The following PRKCG variants were observed in gnomAD, a reference collection of about 807,000 sequenced individuals.
The protein encoded by PRKCG is protein kinase C gamma type.
Under a neutral mutation model 82.0 loss-of-function variants are expected in PRKCG, and 28 were observed. The ratio of observed to expected loss-of-function variants is 0.34; its 90% CI spans 0.25 to 0.47. The LOEUF is 0.47. PRKCG is among the 20% of genes least tolerant of loss of function. PRKCG has a pLI of 1.00. For synonymous variants in PRKCG, 383 were observed against 376.6 expected, an observed-to-expected ratio of 1.02 and a Z score of -0.20; for missense variants, 640 against 952.7, an observed-to-expected ratio of 0.67 and a Z score of 4.32.
chr19:53,894,012 C>T (rs1178723808), intron 9 of PRKCG, among the ~76,000 whole-genome samples: 3 of 152,048 alleles, frequency 2.0e-5, no homozygotes, highest in Non-Finnish European at 4.4e-5. Flanking sequence ...CTGCCTTGGC[C>T]TCCCAAAGTG....
At chr19:53,906,243 T>A in intron 16 of PRKCG, 74 bp from the exon 17 acceptor site, 10 of 1,539,472 alleles carry the variant, frequency 6.5e-6, no homozygotes, top group Non-Finnish European at 8.8e-6. Flanking sequence ...CCTGTCTCTG[T>A]CCCTCTTTCT....
At position 53,889,777 on chromosome 19, in the gene PRKCG, C is replaced by T; in HGVS notation, c.397+28C>T. Reference sequence around the variant, plus strand: ...GAGTGACCTGGGCCTTGCCAGGGCCCTTCCAAAGCGCCCGGTCTGGGTTCC... The same window carrying T: ...GAGTGACCTGGGCCTTGCCAGGGCCTTTCCAAAGCGCCCGGTCTGGGTTCC... On this transcript the variant is annotated intron_variant, in intron 4 of 17. Coordinates refer to ENST00000263431, the MANE Select transcript of PRKCG (RefSeq NM_002739.5). The surrounding 1 kb of genome is among the most constrained non-coding windows in gnomAD (Gnocchi z 4.4). 3 of 1,609,000 alleles carry T rather than the reference C, an allele frequency of 1.9e-6. No homozygotes were observed. The highest frequency in any genetic ancestry group is 2.3e-5 in the East Asian group (1 of 44,324).
In PRKCG at chr19:53,890,006, T is replaced by A; in HGVS notation, c.518T>A (p.Ile173Asn). 3 of 1,564,258 alleles carry A rather than the reference T, an allele frequency of 1.9e-6. No individual in the cohort carries two copies. The highest frequency in any genetic ancestry group is 2.6e-6 in the Non-Finnish European group (3 of 1,157,050). Reference sequence around the variant, plus strand: ...ATCCGGGCTCCCACAGCAGATGAGATCCACGTAACTGGTGAGGCCCCGCCC... The same window carrying A: ...ATCCGGGCTCCCACAGCAGATGAGAACCACGTAACTGGTGAGGCCCCGCCC... Reference protein sequence around the residue: ...LEIRAPTADEIHVTVGEARNL... With the variant: ...LEIRAPTADENHVTVGEARNL... Residue 173 changes from isoleucine (I) to asparagine (N), a missense_variant, in exon 5 of 18, where the codon ATC (isoleucine) becomes AAC (asparagine). Physicochemically the swap from Ile to Asn is moderately radical, Grantham distance 149 (BLOSUM62 -3). Transcript: ENST00000263431.
At chr19:53,904,855 G>T (rs2068790218) in intron 16 of PRKCG, 113 bp downstream of exon 16, 3 of 857,534 alleles carry the variant, frequency 3.5e-6, no homozygotes, top group Admixed American at 2.0e-5. Flanking sequence ...ACTTCCATCT[G>T]TTGGAAAAGT....
Position 53,889,870 on chromosome 19 carries a change from C to T in PRKCG, c.398-16C>T. 2 of 1,577,414 alleles carry T rather than the reference C, an allele frequency of 1.3e-6. No individual in the cohort carries two copies. Among genetic ancestry groups the T allele is most frequent in the Non-Finnish European group, 1.7e-6 (2 of 1,162,216 alleles). On this transcript the variant is annotated splice_polypyrimidine_tract_variant and intron_variant, in intron 4 of 17. Coordinates refer to ENST00000263431, the MANE Select transcript of PRKCG (RefSeq NM_002739.5). This position sits in a 1 kb window ranked among gnomAD's most constrained non-coding sequence, Gnocchi z 4.4. ...GGGGCGGGGCCTGAGGTGCTACCCG[C>T]AGCTTTCCCCTCCAGGCTGCGAGAT...
At chr19:53,895,836 G>C (rs2068714069) in intron 9 of PRKCG, among the ~76,000 whole-genome samples, 1 of 152,154 alleles carries the variant, frequency 6.6e-6, no homozygotes, top group Non-Finnish European at 1.5e-5. Flanking sequence ...AAGGCGGGTG[G>C]ATCACGAGGT....
At chr19:53,898,377 G>C in intron 10 of PRKCG, 63 bp from the exon 11 acceptor site, 1 of 1,591,794 alleles carries the variant, frequency 6.3e-7, no homozygotes, top group South Asian at 1.1e-5. Flanking sequence ...CCTTAGGGAG[G>C]GGGCAGGTCC....
chr19:53,891,677 G>T lies in PRKCG; in HGVS notation c.533G>T (p.Gly178Val), dbSNP rs768891031. The T allele has an allele frequency of 1.6e-5, 26 of 1,613,752 alleles. No homozygotes were observed. In the South Asian group the frequency reaches 2.7e-4, roughly 17 times the overall value. The change falls in exon 6 of 18, where the codon GGC (glycine) becomes GTC (valine). Residue 178 changes from glycine to valine, a missense_variant. Around this residue, in one of 7 missense-constraint regions of PRKCG, gnomAD observed 261 missense variants for 312.1 expected, o/e 0.84. Transcript: ENST00000263431. The part of the protein sequence containing the change: ...PTADEIHVTV[G>V]EARNLIPMDP... ...CTCTTCCTCACTCCCCGTTTAGTTG[G>T]CGAGGCCCGTAACCTAATTCCTATG...
chr19:53,893,174 C>T, intron 8 of PRKCG, 99 bp downstream of exon 8: 1 of 1,305,452 alleles, frequency 7.7e-7, no homozygotes, highest in Non-Finnish European at 1.1e-6. Context: ...GGTCCTGGGA[C>T]TACAGTTCCC....
chr19:53,888,439 A>G (rs1002340899), intron 3 of PRKCG, among the ~76,000 whole-genome samples: 1 of 152,080 alleles, frequency 6.6e-6, no homozygotes, highest in African/African-American at 2.4e-5. Context: ...TGCTTAATGG[A>G]CTCTGGAAAT....
Position 53,900,194 on chromosome 19 carries a change from A to T in PRKCG, c.1282-39A>T. The stretch of plus-strand genomic sequence containing the variant: ...GGAAAGAAATTCTCCTACTCTGGGT[A>T]GATGGATCCCGCCTCTAAGCCCATG... On this transcript the variant is annotated intron_variant, in intron 11 of 17. Coordinates refer to ENST00000263431, the MANE Select transcript of PRKCG (RefSeq NM_002739.5). The surrounding 1 kb of genome is among the most constrained non-coding windows in gnomAD (Gnocchi z 4.2). 6.4e-7 allele frequency: 1 copy of T among 1,563,500 alleles called. No homozygotes were observed. The highest frequency in any genetic ancestry group is 8.8e-7 in the Non-Finnish European group (1 of 1,133,892).
Position 53,882,956 on chromosome 19 carries a change from A to T in PRKCG, c.171-207A>T, listed in dbSNP as rs957678769. On this transcript the variant is annotated intron_variant, in intron 1 of 17. Transcript: ENST00000263431. The surrounding 1 kb of genome is among the most constrained non-coding windows in gnomAD (Gnocchi z 6.1). ...GAGCCTGGATTCCTGGGTCTGAAGG[A>T]GGAAGAAACTGGGGGCTGAACTCCA... Among the ~76,000 whole-genome samples, 2 of 151,774 alleles carry T rather than the reference A, an allele frequency of 1.3e-5. No individual in the cohort carries two copies. Among genetic ancestry groups the T allele is most frequent in the Non-Finnish European group, 2.9e-5 (2 of 67,946 alleles).
chr19:53,898,788 G>GT (rs2068737903), intron 11 of PRKCG, among the ~76,000 whole-genome samples, 160 bp downstream of exon 11: 2 of 132,744 alleles, frequency 1.5e-5, no homozygotes, highest in Non-Finnish European at 3.2e-5. Context: ...TGGCCGGGGG[G>GT]GGGTCCTTGG....
At chr19:53,898,747 G>A (rs1249648540) in intron 11 of PRKCG, 119 bp downstream of exon 11, 2 of 753,124 alleles carry the variant, frequency 2.7e-6, no homozygotes, top group Non-Finnish European at 3.9e-6. Flanking sequence ...CTGAGTGGGC[G>A]AGGCCAGGCG....
In PRKCG at chr19:53,882,696, G is replaced by A; in HGVS notation, c.170+32G>A. 2 of 1,597,958 alleles carry A rather than the reference G, an allele frequency of 1.3e-6. No homozygotes were observed. The highest frequency in any genetic ancestry group is 1.7e-6 in the Non-Finnish European group (2 of 1,169,224). ...GAAGGGGGCTGGGGGACTGGGGGACGAGGGGACTAGGGGTGCAGACTCCTA... is the reference window on the plus strand; with the variant it reads ...GAAGGGGGCTGGGGGACTGGGGGACAAGGGGACTAGGGGTGCAGACTCCTA... On this transcript the variant is annotated intron_variant, in intron 1 of 17. Transcript: ENST00000263431. This position sits in a 1 kb window ranked among gnomAD's most constrained non-coding sequence, Gnocchi z 6.1.
chr19:53,904,250 A>AT (rs757197389), intron 15 of PRKCG, among the ~76,000 whole-genome samples: 10 of 151,782 alleles, frequency 6.6e-5, no homozygotes, highest in Non-Finnish European at 1.2e-4. Context: ...CCTTGGTATC[A>AT]TTTTTTGTAA....
rs2068609384 is a variant in PRKCG at position 53,883,556 on chromosome 19, C to T, written c.202+362C>T. Among the ~76,000 whole-genome samples the T allele has an allele frequency of 6.6e-6, 1 of 151,832 alleles. No homozygotes were observed. The highest frequency in any genetic ancestry group is 1.5e-5 in the Non-Finnish European group (1 of 67,958). ...CCCCAGGCTGCCGTCGCCATGACAA[C>T]ACCAGCCGTCCTAGGCAGGGGCAGG... On this transcript the variant is annotated intron_variant, in intron 2 of 17. Transcript: ENST00000263431. This position sits in a 1 kb window ranked among gnomAD's most constrained non-coding sequence, Gnocchi z 5.4.
chr19:53,890,123 G>A, intron 5 of PRKCG, 106 bp downstream of exon 5: 1 of 1,251,594 alleles, frequency 8.0e-7, no homozygotes, highest in Non-Finnish European at 1.1e-6. Flanking sequence ...ATGGGGCCAC[G>A]CCTCTTTCTA....
Position 53,906,777 on chromosome 19 carries a change from G to T in PRKCG, c.1976G>T (p.Arg659Leu). ...RAAPALTPPD[R>L]LVLASIDQAD... ...GCGCCAGCGCTGACCCCTCCAGACC[G>T]CCTAGTCCTGGCCAGCATCGACCAG... Residue 659 changes from arginine (R) to leucine (L), a missense_variant, in exon 18 of 18, where the codon CGC (arginine) becomes CTC (leucine). Transcript: ENST00000263431. The T allele has an allele frequency of 6.2e-7, 1 of 1,613,562 alleles. No individual in the cohort carries two copies.
Sources: allele counts gnomAD v4.1 joint callset (sites outside exome capture counted in the v4.1 genomes callset), GRCh38; gene constraint gnomAD v4.1.1; regional missense constraint gnomAD v4.1.1; non-coding constraint Gnocchi (gnomAD v3.1); transcripts MANE v1.5; gene names NCBI Gene and HGNC (gene_info 2026-07-23, HGNC 2026-07-21).